MSL2: variants seen among roughly 807,000 people sequenced by gnomAD.
MSL2 encodes MSL complex subunit 2.
In MSL2, 2 loss-of-function variants were observed where a neutral mutation model predicts 35.8. That is an observed-to-expected ratio of 0.06 (90% confidence interval 0.02 to 0.18). The LOEUF is 0.18. Among genes scored for constraint, MSL2 ranks in the 10% least tolerant of loss-of-function variants. The pLI, the probability that MSL2 is intolerant of heterozygous loss-of-function variation, is 1.00. For missense variants in MSL2, 523 were observed against 706.7 expected (o/e 0.74, Z 2.95); for synonymous variants, 296 against 255.7 (o/e 1.16, Z -1.50).
chr3:136,178,151 A>G (rs1940235237), intron 1 of MSL2, among the ~76,000 whole-genome samples: 1 of 152,228 alleles, frequency 6.6e-6, no homozygotes, highest in Non-Finnish European at 1.5e-5. Context: ...GTAAGAACTA[A>G]AAGAGAACGC....
At chr3:136,164,976 C>A (rs765354322) in intron 1 of MSL2, among the ~76,000 whole-genome samples, 8 of 151,944 alleles carry the variant, frequency 5.3e-5, no homozygotes, top group Non-Finnish European at 1.2e-4. Context: ...CAGGTTCAAG[C>A]AATTCTCCCG....
At chr3:136,169,752 C>T (rs1939967022) in intron 1 of MSL2, among the ~76,000 whole-genome samples, 1 of 151,960 alleles carries the variant, frequency 6.6e-6, no homozygotes, top group Non-Finnish European at 1.5e-5. Flanking sequence ...CGCACCCAGC[C>T]TCTACGTGTT....
At chr3:136,162,398 A>G (rs1337708893) in intron 1 of MSL2, among the ~76,000 whole-genome samples, 1 of 152,028 alleles carries the variant, frequency 6.6e-6, no homozygotes. Flanking sequence ...CCTGGGCAAT[A>G]TGGCAAAACC....
intron 1 of MSL2, among the ~76,000 whole-genome samples, chr3:136,184,920 G>T (rs969848840): frequency 6.6e-6 from 1 of 152,148 alleles, no homozygotes; most frequent in Non-Finnish European, 1.5e-5. Flanking sequence ...ACTTTTCCAG[G>T]AAGTGCCTAA....
intron 1 of MSL2, among the ~76,000 whole-genome samples, chr3:136,171,671 G>C (rs1455910927): frequency 6.6e-6 from 1 of 152,072 alleles, no homozygotes; most frequent in South Asian, 2.1e-4. Flanking sequence ...TATATTAATA[G>C]TGTGCTCCTA....
chr3:136,153,104 GTGGTGTGT>G, intron 1 of MSL2: 1 of 963,034 alleles, frequency 1.0e-6, no homozygotes, highest in Non-Finnish European at 1.2e-6. Context: ...GCCAGGTGTG[GTGGTGTGT>G]GCCTGTAATC....
At position 136,151,235 on chromosome 3, in the gene MSL2, G is replaced by C. The variant is rs1939355596; in HGVS notation, c.1646C>G (p.Thr549Arg). ...TAAAAACGTCGTTACTGGGGACCCTGTGACATTTATTACACTGGTGCTGGT... is the reference window on the plus strand; with the variant it reads ...TAAAAACGTCGTTACTGGGGACCCTCTGACATTTATTACACTGGTGCTGGT... The part of the protein sequence containing the change: ...ASTSTSVINV[T>R]GSPVTTFLAA... The change falls in exon 2 of 2, where the codon ACA becomes AGA. Residue 549 changes from threonine to arginine, a missense_variant. Physicochemically the swap from Thr to Arg is moderately conservative, Grantham distance 71. Transcript: ENST00000309993. The surrounding 1 kb of genome is among the most constrained non-coding windows in gnomAD (Gnocchi z 5.2). 6.2e-7 allele frequency: 1 copy of C among 1,614,196 alleles called. No individual in the cohort carries two copies. Among genetic ancestry groups the C allele is most frequent in the Non-Finnish European group, 8.5e-7 (1 of 1,180,036 alleles).
At chr3:136,163,889 T>C (rs1464989874) in intron 1 of MSL2, among the ~76,000 whole-genome samples, 1 of 152,198 alleles carries the variant, frequency 6.6e-6, no homozygotes, top group African/African-American at 2.4e-5. Flanking sequence ...CCCCTCTTTG[T>C]CTTCCACCAA....
At chr3:136,176,462 C>CCAAGATCG (rs1217469344) in intron 1 of MSL2, among the ~76,000 whole-genome samples, 3 of 149,092 alleles carry the variant, frequency 2.0e-5, no homozygotes, top group African/African-American at 7.5e-5. Context: ...CTGTATTGAG[C>CCAAGATCG]CAAGATCGTG....
At chr3:136,158,068 T>C (rs1304470530) in intron 1 of MSL2, among the ~76,000 whole-genome samples, 1 of 152,046 alleles carries the variant, frequency 6.6e-6, no homozygotes, top group Non-Finnish European at 1.5e-5. Flanking sequence ...TCCCAACACT[T>C]TGGGAGGCCA....
At chr3:136,173,959 CCTT>C (rs2108078967) in intron 1 of MSL2, among the ~76,000 whole-genome samples, 1 of 152,302 alleles carries the variant, frequency 6.6e-6, no homozygotes, top group African/African-American at 2.4e-5. Flanking sequence ...CCTAGAATGT[CCTT>C]CTTCCTGCCT....
At chr3:136,194,516 T>G (rs1940780597) in intron 1 of MSL2, 1 of 917,798 alleles carries the variant, frequency 1.1e-6, no homozygotes, top group Non-Finnish European at 1.3e-6. Flanking sequence ...AGCTGTGGGT[T>G]CATCAGCTTA....
At chr3:136,160,430 A>G (rs1939677587) in intron 1 of MSL2, among the ~76,000 whole-genome samples, 1 of 151,408 alleles carries the variant, frequency 6.6e-6, no homozygotes, top group South Asian at 2.1e-4. Flanking sequence ...ACAATTAAAA[A>G]AAAAAAAACA....
intron 1 of MSL2, 89 bp downstream of exon 1, chr3:136,194,883 C>T (rs1559976920): frequency 6.4e-7 from 1 of 1,571,796 alleles, no homozygotes; most frequent in South Asian, 1.1e-5. Context: ...TTAATACCAA[C>T]CACCAGGCCG....
At chr3:136,160,812 G>C (rs1939688233) in intron 1 of MSL2, among the ~76,000 whole-genome samples, 1 of 152,012 alleles carries the variant, frequency 6.6e-6, no homozygotes, top group African/African-American at 2.4e-5. Context: ...TGACCAGCCG[G>C]GCACAGTGGC....
Position 136,195,776 on chromosome 3 carries a change from C to G in MSL2, c.-663G>C, listed in dbSNP as rs963265162. The stretch of plus-strand genomic sequence containing the variant: ...TGGCTCTCCGCCCCGTGGGTTGCAG[C>G]CCGCAGTTCCCCGAGGTGGCGAGGC... On this transcript the variant is annotated 5_prime_UTR_variant, in exon 1 of 2. Coordinates refer to ENST00000309993, the MANE Select transcript of MSL2 (RefSeq NM_018133.4). 5 of 985,032 alleles carry G rather than the reference C, an allele frequency of 5.1e-6. No individual in the cohort carries two copies. In the Admixed American group the frequency reaches 3.1e-4, roughly 61 times the overall value. The allele number at this position is 985,032 out of a possible 1,614,324, so 61.0% of individuals were successfully genotyped here.
chr3:136,169,998 C>A (rs1939976004), intron 1 of MSL2, among the ~76,000 whole-genome samples: 1 of 150,910 alleles, frequency 6.6e-6, no homozygotes, highest in South Asian at 2.1e-4. Context: ...ATGCAGTGAT[C>A]CAGGATCGCG....
In MSL2 at chr3:136,149,271, GATC is replaced by G. The variant is rs1343178751; in HGVS notation, c.*1873_*1875del. 6.6e-6 allele frequency: 1 copy of G among 152,448 alleles called. No homozygotes were observed. Among genetic ancestry groups the G allele is most frequent in the Non-Finnish European group, 1.5e-5 (1 of 67,978 alleles). 9.4% of individuals were successfully genotyped at this position (152,448 alleles called of 1,614,324 possible). A position where few individuals can be genotyped will look rare whatever the true frequency, so the allele number is the denominator to read the frequency against. ...TCTCATTTCTAATCATTTTTGCAGTGATCATTAGTGAATAAAGAACAGATTTAC... is the reference window on the plus strand; with the variant it reads ...TCTCATTTCTAATCATTTTTGCAGTGATTAGTGAATAAAGAACAGATTTAC... On this transcript the variant is annotated 3_prime_UTR_variant, in exon 2 of 2. Transcript: ENST00000309993.
chr3:136,193,502 G>GA (rs931248956), intron 1 of MSL2, among the ~76,000 whole-genome samples: 31 of 137,328 alleles, frequency 2.3e-4, no homozygotes, highest in African/African-American at 2.7e-4. Flanking sequence ...CAAAGGAAAA[G>GA]AAAAAAAAAA....
Sources: allele counts gnomAD v4.1 joint callset (sites outside exome capture counted in the v4.1 genomes callset), GRCh38; gene constraint gnomAD v4.1.1; non-coding constraint Gnocchi (gnomAD v3.1); transcripts MANE v1.5; gene names NCBI Gene and HGNC (gene_info 2026-07-23, HGNC 2026-07-21).